Variants in RAPGEF4 observed in about 807,000 individuals in gnomAD.
The protein encoded by RAPGEF4 is RAP guanine-nucleotide-exchange factor (GEF) 4.
A neutral mutation model predicts 147.9 loss-of-function variants in RAPGEF4; 66 were observed. The ratio of observed to expected loss-of-function variants is 0.45; its 90% confidence interval spans 0.37 to 0.55. The LOEUF (loss-of-function observed/expected upper bound fraction) is 0.55. Among genes scored for constraint, RAPGEF4 ranks in the 20% least tolerant of loss-of-function variants. The probability of loss-of-function intolerance (pLI) is 0.00; values close to 1 mark genes in which losing one functional copy is unlikely to be tolerated. For synonymous variants in RAPGEF4, 419 were observed against 442.7 expected, an observed-to-expected ratio of 0.95 and a Z score of 0.67; for missense variants, 1,071 against 1,257.3, an observed-to-expected ratio of 0.85 and a Z score of 2.24.
At chr2:172,871,199 G>C (rs1349466422) in intron 4 of RAPGEF4, among the ~76,000 whole-genome samples, 1 of 152,182 alleles carries the variant, frequency 6.6e-6, no homozygotes, top group Non-Finnish European at 1.5e-5. Flanking sequence ...AGAGGCACGA[G>C]GCTTTCTTGT....
intron 14 of RAPGEF4, among the ~76,000 whole-genome samples, chr2:172,990,008 G>T (rs1692661617): frequency 1.7e-5 from 2 of 118,498 alleles, no homozygotes; most frequent in African/African-American, 3.1e-5. Context: ...GGAATGCATG[G>T]TCTTAATGCA....
chr2:172,873,552 A>G (rs1374379329), intron 4 of RAPGEF4, among the ~76,000 whole-genome samples: 2 of 152,220 alleles, frequency 1.3e-5, no homozygotes, highest in African/African-American at 4.8e-5. Context: ...AACTAGAGAT[A>G]TGTACAAATG....
chr2:172,938,738 GT>G (rs1343510283), intron 6 of RAPGEF4, among the ~76,000 whole-genome samples: 3 of 152,162 alleles, frequency 2.0e-5, no homozygotes, highest in Admixed American at 2.0e-4. Flanking sequence ...AGTTATATGA[GT>G]TTTGACAGAT....
At chr2:172,770,750 T>C (rs959924128) in intron 1 of RAPGEF4, among the ~76,000 whole-genome samples, 2 of 152,216 alleles carry the variant, frequency 1.3e-5, no homozygotes, top group African/African-American at 4.8e-5. Context: ...GGTTGGTTCC[T>C]GAACAGACAC....
chr2:172,933,732 T>C (rs1241913395), intron 6 of RAPGEF4, among the ~76,000 whole-genome samples: 1 of 152,244 alleles, frequency 6.6e-6, no homozygotes, highest in Non-Finnish European at 1.5e-5. Context: ...GTTTATAAGT[T>C]AACTCTGTAT....
intron 3 of RAPGEF4, among the ~76,000 whole-genome samples, chr2:172,804,941 G>A (rs978406359): frequency 1.3e-5 from 2 of 152,162 alleles, no homozygotes; most frequent in Non-Finnish European, 2.9e-5. Context: ...GTCACCCCTG[G>A]TCAGCCCACC....
intron 4 of RAPGEF4, among the ~76,000 whole-genome samples, chr2:172,866,200 C>A (rs548799882): frequency 1.3e-5 from 2 of 152,122 alleles, no homozygotes; most frequent in Admixed American, 1.3e-4. Context: ...CAATCTTTGT[C>A]ATGGAATTGT....
chr2:172,993,126 A>G (rs574944266), intron 15 of RAPGEF4, among the ~76,000 whole-genome samples: 1 of 152,292 alleles, frequency 6.6e-6, no homozygotes, highest in South Asian at 2.1e-4. Context: ...AATCCAGAAT[A>G]GTTTATGTGC....
At chr2:172,958,722 A>G (rs1186066847) in intron 6 of RAPGEF4, among the ~76,000 whole-genome samples, 1 of 152,190 alleles carries the variant, frequency 6.6e-6, no homozygotes. Context: ...TCAAGAGGGG[A>G]AAAAAGTCTG....
intron 4 of RAPGEF4, among the ~76,000 whole-genome samples, chr2:172,899,415 T>A (rs1698840287): frequency 6.6e-6 from 1 of 152,240 alleles, no homozygotes; most frequent in East Asian, 1.9e-4. Context: ...GATCAAAGAT[T>A]AATCTGCATT....
chr2:172,787,507 C>T (rs923013455), intron 1 of RAPGEF4, among the ~76,000 whole-genome samples: 2 of 151,658 alleles, frequency 1.3e-5, no homozygotes, highest in Admixed American at 6.6e-5. Context: ...CATAGTGATT[C>T]GAGGGTTAAT....
intron 16 of RAPGEF4, among the ~76,000 whole-genome samples, chr2:172,997,543 A>G (rs1207131363): frequency 2.6e-5 from 4 of 152,220 alleles, no homozygotes; most frequent in Admixed American, 1.3e-4. Flanking sequence ...TAGGGTGAAT[A>G]AAACAAATCT....
intron 4 of RAPGEF4, among the ~76,000 whole-genome samples, chr2:172,882,781 A>G (rs1696766068): frequency 6.6e-6 from 1 of 151,936 alleles, no homozygotes; most frequent in Non-Finnish European, 1.5e-5. Flanking sequence ...TTTACAGATC[A>G]TAAGGTGCTA....
intron 29 of RAPGEF4, among the ~76,000 whole-genome samples, chr2:173,040,390 G>A (rs559600933): frequency 6.6e-6 from 1 of 152,054 alleles, no homozygotes; most frequent in African/African-American, 2.4e-5. Context: ...TGTGGGTCTT[G>A]GGAAAGGCTA....
intron 12 of RAPGEF4, among the ~76,000 whole-genome samples, chr2:172,987,702 C>G (rs1692414519): frequency 6.6e-6 from 1 of 152,060 alleles, no homozygotes. Flanking sequence ...GCAAATACAC[C>G]ACTTTATATC....
intron 4 of RAPGEF4, among the ~76,000 whole-genome samples, chr2:172,863,471 T>C (rs578124201): frequency 6.6e-6 from 1 of 152,304 alleles, no homozygotes; most frequent in Admixed American, 6.5e-5. Context: ...ATTTAAGTTT[T>C]CCTGAGTTAA....
chr2:172,794,840 G>C (rs1488467114), intron 1 of RAPGEF4, among the ~76,000 whole-genome samples, 185 bp from the exon 2 acceptor site: 1 of 152,182 alleles, frequency 6.6e-6, no homozygotes, highest in Non-Finnish European at 1.5e-5. Flanking sequence ...CGAATAGTTG[G>C]TAAAGCTCCA....
chr2:172,960,043 G>A (rs1689126845), intron 6 of RAPGEF4, among the ~76,000 whole-genome samples: 1 of 152,110 alleles, frequency 6.6e-6, no homozygotes, highest in Non-Finnish European at 1.5e-5. Flanking sequence ...CAGTGAGCTA[G>A]GATCACACCA....
At chr2:173,040,714 G>A (rs980443724) in intron 29 of RAPGEF4, among the ~76,000 whole-genome samples, 3 of 152,196 alleles carry the variant, frequency 2.0e-5, no homozygotes, top group African/African-American at 7.2e-5. Flanking sequence ...AAGGATTAGA[G>A]AATTTGTTGC....
Sources: gnomAD v4.1 joint callset for allele counts (sites outside exome capture counted in the v4.1 genomes callset) on GRCh38, gnomAD v4.1.1 for gene constraint, MANE v1.5 for transcripts, NCBI Gene and HGNC (gene_info 2026-07-23, HGNC 2026-07-21) for gene names.